VWA3B: variants seen among roughly 807,000 people sequenced by gnomAD.
VWA3B encodes von Willebrand factor A domain containing 3B.
A neutral mutation model predicts 158.3 loss-of-function variants in VWA3B; 138 were observed. That is an observed-to-expected ratio of 0.87 (90% CI 0.76 to 1.00). VWA3B has a LOEUF of 1.00. VWA3B is among the 50% of genes least tolerant of loss of function. The pLI is 0.00. For missense variants in VWA3B, 1,555 were observed against 1,565.1 expected, an observed-to-expected ratio of 0.99 and a Z score of 0.11; for synonymous variants, 596 against 587.3, an observed-to-expected ratio of 1.01 and a Z score of -0.21.
chr2:98,182,701 C>G (rs1680695788), intron 9 of VWA3B, among the ~76,000 whole-genome samples: 2 of 151,890 alleles, frequency 1.3e-5, no homozygotes, highest in South Asian at 4.2e-4. Context: ...GGGCAGATCA[C>G]TTGAGGTCAG....
At chr2:98,160,227 C>T (rs1678458956) in intron 7 of VWA3B, among the ~76,000 whole-genome samples, 2 of 152,156 alleles carry the variant, frequency 1.3e-5, no homozygotes, top group African/African-American at 4.8e-5. Context: ...ACTGGCAGTG[C>T]TTCCTTACTG....
intron 6 of VWA3B, 100 bp from the exon 7 acceptor site, chr2:98,133,724 C>A: frequency 1.1e-6 from 1 of 917,406 alleles, no homozygotes; most frequent in Non-Finnish European, 1.7e-6. Flanking sequence ...GATGAAGATG[C>A]CCAGTGCTGC....
At chr2:98,312,079 C>T (rs1161846562) in intron 27 of VWA3B, 47 bp downstream of exon 27, 1 of 1,600,086 alleles carries the variant, frequency 6.2e-7, no homozygotes. Context: ...CTCAGGAACA[C>T]CCTGAAATCC....
At chr2:98,134,252 G>A (rs1462499626) in intron 7 of VWA3B, among the ~76,000 whole-genome samples, 2 of 152,204 alleles carry the variant, frequency 1.3e-5, no homozygotes, top group Admixed American at 6.5e-5. Flanking sequence ...CTGCTGTGTG[G>A]ATTAGTTGGG....
At chr2:98,224,751 A>T (rs1277053899) in intron 14 of VWA3B, among the ~76,000 whole-genome samples, 1 of 37,348 alleles carries the variant, frequency 2.7e-5, no homozygotes, top group African/African-American at 1.4e-4. Flanking sequence ...GGCAGTGTGA[A>T]TTAAAAAAAA....
intron 7 of VWA3B, among the ~76,000 whole-genome samples, chr2:98,158,313 G>A (rs1573935342): frequency 6.6e-6 from 1 of 152,108 alleles, no homozygotes; most frequent in African/African-American, 2.4e-5. Flanking sequence ...AAGTCAGCCG[G>A]TGCACACACA....
At chr2:98,154,460 A>G (rs910115213) in intron 7 of VWA3B, among the ~76,000 whole-genome samples, 3 of 152,172 alleles carry the variant, frequency 2.0e-5, no homozygotes, top group Non-Finnish European at 4.4e-5. Context: ...AGGTGTTTGC[A>G]GATCTCGTTT....
intron 7 of VWA3B, among the ~76,000 whole-genome samples, chr2:98,137,622 C>A (rs978412227): frequency 6.6e-6 from 1 of 151,960 alleles, no homozygotes; most frequent in Non-Finnish European, 1.5e-5. Flanking sequence ...TAATTTGTTT[C>A]TAGGTTATTA....
intron 19 of VWA3B, among the ~76,000 whole-genome samples, chr2:98,237,824 C>A (rs1685802991): frequency 6.6e-6 from 1 of 152,112 alleles, no homozygotes; most frequent in Non-Finnish European, 1.5e-5. Flanking sequence ...GGAAATGATA[C>A]AATGCTTGGG....
chr2:98,113,357 C>A (rs941607741), intron 2 of VWA3B, among the ~76,000 whole-genome samples: 18 of 152,044 alleles, frequency 1.2e-4, no homozygotes, highest in Non-Finnish European at 2.6e-4. Context: ...CTCTTCAGAA[C>A]CCACATATAT....
intron 2 of VWA3B, among the ~76,000 whole-genome samples, chr2:98,112,156 T>A (rs1282189249): frequency 6.6e-6 from 1 of 152,204 alleles, no homozygotes; most frequent in Non-Finnish European, 1.5e-5. Context: ...CAGAGTCATT[T>A]ATTGAATAGG....
At chr2:98,292,144 G>A (rs1689532421) in intron 23 of VWA3B, 1 of 150,276 alleles carries the variant, frequency 6.7e-6, no homozygotes, top group African/African-American at 2.5e-5. Context: ...TCGGGAGACT[G>A]AACCAGGAGA....
intron 9 of VWA3B, among the ~76,000 whole-genome samples, chr2:98,185,175 C>G (rs372673413): frequency 6.6e-6 from 1 of 152,222 alleles, no homozygotes; most frequent in African/African-American, 2.4e-5. Flanking sequence ...ACCAGCCCCC[C>G]TGTCTGACCA....
chr2:98,260,445 G>A (rs1687411774), intron 21 of VWA3B, among the ~76,000 whole-genome samples: 1 of 151,704 alleles, frequency 6.6e-6, no homozygotes. Context: ...AAAAATGCAA[G>A]TAAAAATAAG....
chr2:98,230,869 G>A (rs1685292697), intron 16 of VWA3B, among the ~76,000 whole-genome samples: 1 of 152,166 alleles, frequency 6.6e-6, no homozygotes, highest in Admixed American at 6.5e-5. Flanking sequence ...GTCCCTATTT[G>A]CAGATATTGT....
chr2:98,104,032 CTTA>C (rs1683256065), intron 2 of VWA3B, among the ~76,000 whole-genome samples: 1 of 152,058 alleles, frequency 6.6e-6, no homozygotes, highest in African/African-American at 2.4e-5. Context: ...CTGTAGCTTT[CTTA>C]TTAAGTTTTA....
intron 13 of VWA3B, among the ~76,000 whole-genome samples, chr2:98,213,221 G>A (rs972459574): frequency 3.2e-4 from 48 of 152,188 alleles, no homozygotes; most frequent in African/African-American, 9.9e-4. Flanking sequence ...CAGGGGCAAC[G>A]GAAGAAGATC....
intron 22 of VWA3B, among the ~76,000 whole-genome samples, chr2:98,286,526 G>A (rs1689174344): frequency 6.6e-6 from 1 of 151,954 alleles, no homozygotes; most frequent in Non-Finnish European, 1.5e-5. Flanking sequence ...TAACCATATG[G>A]TTTTATCCTT....
At chr2:98,297,743 A>G (rs1388627713) in intron 23 of VWA3B, among the ~76,000 whole-genome samples, 164 bp from the exon 24 acceptor site, 1 of 152,238 alleles carries the variant, frequency 6.6e-6, no homozygotes, top group Non-Finnish European at 1.5e-5. Context: ...TCAACCCAGT[A>G]GGCATCCTAT....
Sources: gnomAD v4.1 joint callset for allele counts (sites outside exome capture counted in the v4.1 genomes callset) on GRCh38, gnomAD v4.1.1 for gene constraint, MANE v1.5 for transcripts, NCBI Gene and HGNC (gene_info 2026-07-23, HGNC 2026-07-21) for gene names.